The following CPHXL variants were observed in gnomAD, a reference collection of about 807,000 sequenced individuals.
CPHXL encodes the protein cytoplasmic polyadenylated homeobox-like protein.
Position 75,715,115 on chromosome 16 carries a change from G to T in CPHXL, c.327C>A (p.Ser109Arg). Residue 109 changes from serine to arginine, a missense_variant, in exon 3 of 3, where the codon AGC becomes AGA. By Grantham distance (110) the Ser-to-Arg change is moderately radical. Coordinates refer to ENST00000640559, the MANE Select transcript of CPHXL (RefSeq NM_001355613.1). ...DFPVQAHSFL[S>R]CQETQAAAHN... ...GAGCTGCAGCCTGGGTCTCCTGGCAGCTTAAAAATGAATGGGCTTGGACTG... is the reference window on the plus strand; with the variant it reads ...GAGCTGCAGCCTGGGTCTCCTGGCATCTTAAAAATGAATGGGCTTGGACTG... 2.5e-6 allele frequency: 1 copy of T among 398,962 alleles called. No individual in the cohort carries two copies. The allele number at this position is 398,962 out of a possible 1,614,324, so 24.7% of individuals were successfully genotyped here. A position where few individuals can be genotyped will look rare whatever the true frequency, so the allele number is the denominator to read the frequency against.
At chr16:75,725,753 C>CT (rs35659823) in intron 1 of CPHXL, among the ~76,000 whole-genome samples, 562 of 43,296 alleles carry the variant, frequency 0.013, 57 homozygotes, top group African/African-American at 0.019. Flanking sequence ...TGCCCGGCGT[C>CT]TTTTTTTTTT....
chr16:75,721,353 AAC>A (rs1418006061), intron 1 of CPHXL, among the ~76,000 whole-genome samples: 2 of 152,224 alleles, frequency 1.3e-5, no homozygotes, highest in African/African-American at 4.8e-5. Flanking sequence ...GTATTCAGGA[AAC>A]ACATCTCACG....
At chr16:75,720,089 A>G (rs1959453317) in intron 1 of CPHXL, among the ~76,000 whole-genome samples, 1 of 152,226 alleles carries the variant, frequency 6.6e-6, no homozygotes. Context: ...CATCCACACT[A>G]AAACCCCATC....
chr16:75,725,753 C>CTGTTTTTTTTTTTTTTTT (rs1959549088), intron 1 of CPHXL, among the ~76,000 whole-genome samples: 2 of 43,318 alleles, frequency 4.6e-5, no homozygotes, highest in South Asian at 1.7e-3. Flanking sequence ...TGCCCGGCGT[C>CTGTTTTTTTTTTTTTTTT]TTTTTTTTTT....
chr16:75,724,850 C>T (rs1959531257), intron 1 of CPHXL, among the ~76,000 whole-genome samples: 1 of 152,136 alleles, frequency 6.6e-6, no homozygotes, highest in Admixed American at 6.5e-5. Flanking sequence ...GCACTATTCA[C>T]AATAGCAAAG....
chr16:75,725,454 CT>C (rs1047915594), intron 1 of CPHXL, among the ~76,000 whole-genome samples: 218 of 137,820 alleles, frequency 1.6e-3, no homozygotes, highest in South Asian at 4.5e-3. Flanking sequence ...GTGGCTTCCT[CT>C]TTTTTTTTTT....
chr16:75,724,359 T>A (rs1301117845), intron 1 of CPHXL, among the ~76,000 whole-genome samples: 32 of 152,098 alleles, frequency 2.1e-4, no homozygotes, highest in Admixed American at 2.1e-3. Flanking sequence ...GGGAGAAAAT[T>A]TTTGCAATCT....
intron 1 of CPHXL, among the ~76,000 whole-genome samples, chr16:75,722,253 T>A (rs1192484956): frequency 2.0e-5 from 3 of 151,486 alleles, no homozygotes; most frequent in Non-Finnish European, 2.9e-5. Context: ...ATAACTAAGA[T>A]CAGAGCAGAA....
intron 1 of CPHXL, among the ~76,000 whole-genome samples, chr16:75,725,382 G>T (rs1460437598): frequency 1.3e-5 from 2 of 152,060 alleles, no homozygotes; most frequent in East Asian, 1.9e-4. Context: ...TCCGCCTACT[G>T]GGTTCAAGCT....
At position 75,722,294 on chromosome 16, in the gene CPHXL, C is replaced by CAA. The variant is rs199644909; in HGVS notation, c.26-3838_26-3837dup. Reference sequence around the variant, plus strand: ...GGAAATAGAGACACAAAAAAACCTTCAAAAAAATCAATGAATCCAGGACCT... The same window carrying CAA: ...GGAAATAGAGACACAAAAAAACCTTCAAAAAAAAATCAATGAATCCAGGACCT... On this transcript the variant is annotated intron_variant, in intron 1 of 2. Transcript: ENST00000640559. 5.9e-5 allele frequency among the ~76,000 whole-genome samples: 9 copies of CAA among 151,890 alleles called. No individual in the cohort carries two copies. The South Asian group carries it at 1.5e-3, about 24-fold the overall frequency.
intron 1 of CPHXL, among the ~76,000 whole-genome samples, chr16:75,721,960 C>A (rs1296576754): frequency 1.3e-5 from 2 of 152,218 alleles, no homozygotes; most frequent in Non-Finnish European, 2.9e-5. Flanking sequence ...TCACTCAAAA[C>A]TGCTCAATTA....
Position 75,726,489 on chromosome 16 carries a change from G to T in CPHXL, c.-47C>A. The stretch of plus-strand genomic sequence containing the variant: ...TTCACGGAGACCAGCAAGCAACTGA[G>T]ATCAGCAAGCAACTGAGCAGCTCCT... On this transcript the variant is annotated 5_prime_UTR_variant, in exon 1 of 3. Coordinates refer to ENST00000640559, the MANE Select transcript of CPHXL (RefSeq NM_001355613.1). The T allele has an allele frequency of 2.5e-6, 1 of 398,494 alleles. No individual in the cohort carries two copies. The allele number at this position is 398,494 out of a possible 1,614,324, so 24.7% of individuals were successfully genotyped here.
chr16:75,724,864 T>C (rs925721490), intron 1 of CPHXL, among the ~76,000 whole-genome samples: 1 of 152,132 alleles, frequency 6.6e-6, no homozygotes, highest in Admixed American at 6.5e-5. Flanking sequence ...AGCAAAGACT[T>C]GGAACCAAGC....
chr16:75,724,108 T>G (rs1320889791), intron 1 of CPHXL, among the ~76,000 whole-genome samples: 2 of 152,328 alleles, frequency 1.3e-5, no homozygotes, highest in African/African-American at 4.8e-5. Flanking sequence ...CCTTACACTT[T>G]ATACAAAAAT....
At chr16:75,721,241 C>A (rs1461762716) in intron 1 of CPHXL, among the ~76,000 whole-genome samples, 1 of 152,132 alleles carries the variant, frequency 6.6e-6, no homozygotes, top group Non-Finnish European at 1.5e-5. Context: ...GGATCAAATT[C>A]ACACATAACA....
chr16:75,722,757 C>A (rs1220549666), intron 1 of CPHXL, among the ~76,000 whole-genome samples: 1 of 152,190 alleles, frequency 6.6e-6, no homozygotes, highest in Non-Finnish European at 1.5e-5. Context: ...TTTTATGAGG[C>A]CAGTATCATC....
intron 2 of CPHXL, among the ~76,000 whole-genome samples, chr16:75,716,373 C>T (rs1174887640): frequency 1.3e-5 from 2 of 152,208 alleles, no homozygotes; most frequent in African/African-American, 4.8e-5. Context: ...AAACTTTTGG[C>T]TGACTGGCTT....
intron 1 of CPHXL, among the ~76,000 whole-genome samples, chr16:75,722,820 T>C (rs1959497170): frequency 6.6e-6 from 1 of 152,158 alleles, no homozygotes; most frequent in South Asian, 2.1e-4. Context: ...TAGACCAATA[T>C]CCCTGATGAA....
In CPHXL at chr16:75,714,761, G is replaced by C. The variant is rs1389756614; in HGVS notation, c.681C>G (p.Asp227Glu). ...CACTTCCAGAATGCCCACTTCCTGT[G>C]TCACCTCCATACCCCATAGCACAGC... ...HPGCAMGYGG[D>E]TGSGHSGSGH... The change falls in exon 3 of 3, where the codon GAC (aspartate) becomes GAG (glutamate). Residue 227 changes from aspartate (D) to glutamate (E), a missense_variant. By Grantham distance (45) the Asp-to-Glu change is conservative (BLOSUM62 2). Coordinates refer to ENST00000640559, the MANE Select transcript of CPHXL (RefSeq NM_001355613.1). The C allele has an allele frequency of 2.5e-6, 1 of 398,540 alleles. No individual in the cohort carries two copies. Among genetic ancestry groups the C allele is most frequent in the Non-Finnish European group, 4.4e-6 (1 of 226,098 alleles). The allele number at this position is 398,540 out of a possible 1,614,324, so 24.7% of individuals were successfully genotyped here.
Sources: gnomAD v4.1 joint callset for allele counts (sites outside exome capture counted in the v4.1 genomes callset) on GRCh38, gnomAD v4.1.1 for gene constraint, MANE v1.5 for transcripts, NCBI Gene and HGNC (gene_info 2026-07-23, HGNC 2026-07-21) for gene names.